Variants in GOT2 observed in about 807,000 individuals in gnomAD.
The protein encoded by GOT2 is aspartate aminotransferase, mitochondrial.
GOT2 carries 17 observed loss-of-function variants against 50.0 expected under a neutral mutation model. That is an observed-to-expected ratio of 0.34 (90% CI 0.23 to 0.51). GOT2 has a LOEUF of 0.51. Ranked by LOEUF, GOT2 falls within the 20% of genes least tolerant of loss-of-function variation. The pLI is 0.97. For missense variants in GOT2, 430 were observed against 559.6 expected (o/e 0.77, Z 2.34); for synonymous variants, 172 against 204.9 (o/e 0.84, Z 1.37).
At chr16:58,732,001 A>G (rs952682700) in intron 1 of GOT2, among the ~76,000 whole-genome samples, 4 of 152,254 alleles carry the variant, frequency 2.6e-5, no homozygotes, top group African/African-American at 9.6e-5. Context: ...AAATCTGAAG[A>G]GTAATTCCTC....
intron 8 of GOT2, among the ~76,000 whole-genome samples, chr16:58,712,636 T>A (rs1284754533): frequency 6.6e-6 from 1 of 152,230 alleles, no homozygotes; most frequent in African/African-American, 2.4e-5. Context: ...CTTTGTCTAC[T>A]ACAGACTCTC....
At chr16:58,716,877 A>C in intron 6 of GOT2, 64 bp from the exon 7 acceptor site, 1 of 1,483,424 alleles carries the variant, frequency 6.7e-7, no homozygotes, top group Non-Finnish European at 9.3e-7. Context: ...ATGTTTATAA[A>C]AGTCTGAAAG....
At chr16:58,710,668 T>C (rs1268796441) in intron 8 of GOT2, among the ~76,000 whole-genome samples, 1 of 151,168 alleles carries the variant, frequency 6.6e-6, no homozygotes, top group Non-Finnish European at 1.5e-5. Context: ...GATCACGAGG[T>C]CAGGAGATCG....
chr16:58,719,163 A>T, intron 4 of GOT2, 33 bp downstream of exon 4: 1 of 1,513,010 alleles, frequency 6.6e-7, no homozygotes, highest in Non-Finnish European at 9.2e-7. Flanking sequence ...TCTGGAATTT[A>T]TAATTCTTTC....
intron 1 of GOT2, among the ~76,000 whole-genome samples, chr16:58,729,498 GAA>G (rs35946557): frequency 5.3e-5 from 5 of 94,406 alleles, no homozygotes; most frequent in Non-Finnish European, 4.7e-5. Flanking sequence ...GTCTCAGGAA[GAA>G]AAAAAAAAAA....
intron 1 of GOT2, among the ~76,000 whole-genome samples, chr16:58,733,237 A>G (rs1045986344): frequency 2.6e-5 from 4 of 152,082 alleles, no homozygotes; most frequent in African/African-American, 9.7e-5. Flanking sequence ...CAAGCTCTGA[A>G]ATTTCCCTCC....
At chr16:58,709,615 G>C in intron 8 of GOT2, 48 bp from the exon 9 acceptor site, 5 of 1,537,494 alleles carry the variant, frequency 3.3e-6, no homozygotes, top group Non-Finnish European at 4.5e-6. Context: ...AGCACTGACC[G>C]ATATGCTGGA....
intron 8 of GOT2, among the ~76,000 whole-genome samples, chr16:58,714,175 G>T (rs1423159643): frequency 1.3e-5 from 2 of 151,986 alleles, no homozygotes; most frequent in Non-Finnish European, 2.9e-5. Flanking sequence ...CAAAATGCAT[G>T]CTGGGATTAT....
At position 58,723,802 on chromosome 16, in the gene GOT2, C is replaced by T. The variant is rs968650058; in HGVS notation, c.190G>A (p.Val64Ile). The change falls in exon 2 of 10, where the codon GTT (valine) becomes ATT (isoleucine). Residue 64 changes from valine to isoleucine, a missense_variant. Coordinates refer to ENST00000245206, the MANE Select transcript of GOT2 (RefSeq NM_002080.4). ...CCATTATCATCCCGGTAGGCACCAA[C>T]TCCCAGATTCATCTTTTTGCTATTG... ...DTNSKKMNLG[V>I]GAYRDDNGKP... The T allele has an allele frequency of 5.6e-6, 9 of 1,612,796 alleles. No individual in the cohort carries two copies. The South Asian group carries it at 9.9e-5, about 18-fold the overall frequency.
chr16:58,712,421 G>A (rs928749888), intron 8 of GOT2, among the ~76,000 whole-genome samples: 1 of 152,186 alleles, frequency 6.6e-6, no homozygotes, highest in Non-Finnish European at 1.5e-5. Flanking sequence ...TGAGGCAGGA[G>A]AATCGCTTGA....
intron 4 of GOT2, 72 bp from the exon 5 acceptor site, chr16:58,718,760 G>A: frequency 1.6e-6 from 2 of 1,281,854 alleles, no homozygotes; most frequent in South Asian, 3.0e-5. Flanking sequence ...GTGTTTTATT[G>A]AGAGAACATT....
rs1171686361 is a variant in GOT2 at position 58,727,380 on chromosome 16, T to TA, written c.90-3479dup. ...ACAATATAAAAGGTTTTTTTTTTTT[T>TA]AAAAAAAGAAAAAACTGTGCAATCA... On this transcript the variant is annotated intron_variant, in intron 1 of 9. Transcript: ENST00000245206. Among the ~76,000 whole-genome samples the TA allele has an allele frequency of 5.2e-3, 786 of 151,236 alleles. 3 individuals carry two copies. Among genetic ancestry groups the TA allele is most frequent in the East Asian group, 0.029 (152 of 5,172 alleles).
At chr16:58,722,869 T>C (rs2044752918) in intron 2 of GOT2, among the ~76,000 whole-genome samples, 1 of 152,148 alleles carries the variant, frequency 6.6e-6, no homozygotes, top group Non-Finnish European at 1.5e-5. Context: ...AAGACCAAGG[T>C]TTAAGAGCAA....
chr16:58,729,022 T>C (rs1354735744), intron 1 of GOT2, among the ~76,000 whole-genome samples: 1 of 151,994 alleles, frequency 6.6e-6, no homozygotes, highest in Non-Finnish European at 1.5e-5. Context: ...CATAGTTTTT[T>C]CTAGAGAATC....
chr16:58,731,203 C>T (rs1488944393), intron 1 of GOT2, among the ~76,000 whole-genome samples: 7 of 152,000 alleles, frequency 4.6e-5, no homozygotes, highest in African/African-American at 7.2e-5. Flanking sequence ...GCGTGATCAG[C>T]GGGCTCACTG....
At chr16:58,718,807 G>C in intron 4 of GOT2, 119 bp from the exon 5 acceptor site, 2 of 810,734 alleles carry the variant, frequency 2.5e-6, no homozygotes, top group South Asian at 3.8e-5. Flanking sequence ...CTATGGTTGA[G>C]AAGCAGTATT....
chr16:58,721,171 T>G (rs1469690196), intron 3 of GOT2, among the ~76,000 whole-genome samples: 1 of 152,208 alleles, frequency 6.6e-6, no homozygotes, highest in African/African-American at 2.4e-5. Context: ...GTAAATAAAG[T>G]GTATTTATTC....
At chr16:58,712,793 A>G (rs1008968767) in intron 8 of GOT2, among the ~76,000 whole-genome samples, 1 of 152,214 alleles carries the variant, frequency 6.6e-6, no homozygotes. Flanking sequence ...ACATACATAT[A>G]TAACAGTATG....
chr16:58,723,521 C>T (rs1342021926), intron 2 of GOT2, among the ~76,000 whole-genome samples: 1 of 152,118 alleles, frequency 6.6e-6, no homozygotes, highest in Non-Finnish European at 1.5e-5. Flanking sequence ...TATAGATGAT[C>T]ACAGAACCAT....
Sources: gnomAD v4.1 joint callset for allele counts (sites outside exome capture counted in the v4.1 genomes callset) on GRCh38, gnomAD v4.1.1 for gene constraint, MANE v1.5 for transcripts, NCBI Gene and HGNC (gene_info 2026-07-23, HGNC 2026-07-21) for gene names.